The following FSIP2 variants were observed in gnomAD, a reference collection of about 807,000 sequenced individuals.
The protein encoded by FSIP2 is fibrous sheath-interacting protein 2.
Under a neutral mutation model 510.5 loss-of-function variants are expected in FSIP2, and 367 were observed. The ratio of observed to expected loss-of-function variants is 0.72; its 90% CI spans 0.66 to 0.78. The LOEUF (loss-of-function observed/expected upper bound fraction) is 0.78, where lower values mean the gene tolerates loss of function less well. Ranked by LOEUF, FSIP2 falls within the 30% of genes least tolerant of loss-of-function variation. The pLI is 0.00. For synonymous variants in FSIP2, 2,601 were observed against 2,732.2 expected (o/e 0.95, Z 1.50); for missense variants, 7,594 against 7,901.7 (o/e 0.96, Z 1.48).
intron 13 of FSIP2, chr2:185,764,768 G>T: frequency 2.1e-6 from 1 of 480,568 alleles, no homozygotes; most frequent in Non-Finnish European, 3.7e-6. Flanking sequence ...TAAAGGAAGT[G>T]GGTATGTGTA....
Position 185,793,033 on chromosome 2 carries a change from C to A in FSIP2, c.5897C>A (p.Ser1966Ter). The part of the protein sequence containing the change: ...QDHSTLSKAL[S>*]AKDSYSDEQF... ...CACAGTACATTGAGCAAAGCATTAT[C>A]AGCCAAAGATTCATATTCTGATGAG... The change falls in exon 16 of 23, where the codon TCA (serine) becomes TAA (stop). Residue 1966 changes from serine (S) to a stop codon, truncating the protein, a stop_gained. Transcript: ENST00000424728. LOFTEE classifies it high-confidence loss of function. 2.0e-6 allele frequency: 3 copies of A among 1,534,290 alleles called. No individual in the cohort carries two copies. Among genetic ancestry groups the A allele is most frequent in the Non-Finnish European group, 2.6e-6 (3 of 1,145,606 alleles).
At chr2:185,798,027 A>T (rs1559030844) in intron 16 of FSIP2, among the ~76,000 whole-genome samples, 1 of 151,906 alleles carries the variant, frequency 6.6e-6, no homozygotes, top group Admixed American at 6.6e-5. Context: ...GCAAAAAAAT[A>T]AAAATAAATA....
At chr2:185,812,782 GTTATTGCAGATATTCCT>G (rs1693759437) in intron 17 of FSIP2, among the ~76,000 whole-genome samples, 1 of 151,964 alleles carries the variant, frequency 6.6e-6, no homozygotes, top group African/African-American at 2.4e-5. Context: ...CTGATATTTT[GTTATTGCAGATATTCCT>G]TTGAGGCACC....
At chr2:185,745,693 G>C (rs1692015449) in intron 5 of FSIP2, 125 bp downstream of exon 5, 3 of 832,740 alleles carry the variant, frequency 3.6e-6, no homozygotes, top group Non-Finnish European at 5.1e-6. Flanking sequence ...TCAGAGTGTA[G>C]AGGAAGGAAG....
At position 185,790,379 on chromosome 2, in the gene FSIP2, A is replaced by C; in HGVS notation, c.3243A>C (p.Leu1081Phe). The change falls in exon 16 of 23, where the codon TTA becomes TTC. Residue 1081 changes from leucine (L) to phenylalanine (F), a missense_variant. Leu to Phe is a conservative substitution (Grantham distance 22). Transcript: ENST00000424728. ...EPPSTNHEDI[L>F]KKKLSSNKDI... Reference sequence around the variant, plus strand: ...CATCTACTAATCATGAAGATATTTTAAAGAAAAAACTTTCTTCGAATAAAG... The same window carrying C: ...CATCTACTAATCATGAAGATATTTTCAAGAAAAAACTTTCTTCGAATAAAG... 6.5e-7 allele frequency: 1 copy of C among 1,527,958 alleles called. No homozygotes were observed. The allele number at this position is 1,527,958 out of a possible 1,614,324, so 94.7% of individuals were successfully genotyped here. A position where few individuals can be genotyped will look rare whatever the true frequency, so the allele number is the denominator to read the frequency against.
At chr2:185,814,968 A>G (rs1408131485) in intron 18 of FSIP2, among the ~76,000 whole-genome samples, 1 of 152,062 alleles carries the variant, frequency 6.6e-6, no homozygotes, top group Non-Finnish European at 1.5e-5. Context: ...ATGAGTTTGC[A>G]ACAAATAGAT....
At chr2:185,740,786 C>T (rs1691907699) in intron 2 of FSIP2, among the ~76,000 whole-genome samples, 1 of 152,114 alleles carries the variant, frequency 6.6e-6, no homozygotes, top group East Asian at 1.9e-4. Context: ...TCTATAGGAA[C>T]ATTATCTCCC....
Position 185,801,002 on chromosome 2 carries a change from A to G in FSIP2, c.11696A>G (p.Lys3899Arg). 6.5e-7 allele frequency: 1 copy of G among 1,532,010 alleles called. No individual in the cohort carries two copies. Among genetic ancestry groups the G allele is most frequent in the Non-Finnish European group, 8.7e-7 (1 of 1,144,234 alleles). The allele number at this position is 1,532,010 out of a possible 1,614,324, so 94.9% of individuals were successfully genotyped here. Reference sequence around the variant, plus strand: ...GAATTAATAGAATTAGGACAGAGTAAAAGTTCTTTAGAACTCAGGAGCTAT... The same window carrying G: ...GAATTAATAGAATTAGGACAGAGTAGAAGTTCTTTAGAACTCAGGAGCTAT... ...KSELIELGQS[K>R]SSLELRSYDS... Residue 3899 changes from lysine (K) to arginine (R), a missense_variant, in exon 17 of 23, where the codon AAA becomes AGA. Physicochemically the swap from Lys to Arg is conservative, Grantham distance 26 (BLOSUM62 2). Coordinates refer to ENST00000424728, the MANE Select transcript of FSIP2 (RefSeq NM_173651.4).
intron 18 of FSIP2, 61 bp downstream of exon 18, chr2:185,814,103 C>T: frequency 2.7e-6 from 4 of 1,466,386 alleles, no homozygotes; most frequent in Non-Finnish European, 3.7e-6. Context: ...AAATCTGGCC[C>T]AAGAATGTAC....
chr2:185,738,066 G>C (rs1206083909), upstream of FSIP2: 1 of 157,792 alleles, frequency 6.3e-6, no homozygotes, highest in African/African-American at 2.4e-5. Context: ...AACAGCAGTG[G>C]ACCAAAGAAA....
At chr2:185,765,434 G>C (rs1434591051) in intron 13 of FSIP2, 3 of 151,962 alleles carry the variant, frequency 2.0e-5, no homozygotes, top group Non-Finnish European at 2.9e-5. Context: ...TCTCAGGTTT[G>C]TCAAAGATCA....
At chr2:185,740,915 C>G (rs1691910234) in intron 2 of FSIP2, among the ~76,000 whole-genome samples, 1 of 151,828 alleles carries the variant, frequency 6.6e-6, no homozygotes, top group Admixed American at 6.6e-5. Flanking sequence ...ATCTAACACA[C>G]TAAATAAACA....
intron 18 of FSIP2, 91 bp from the exon 19 acceptor site, chr2:185,815,280 A>C: frequency 1.5e-6 from 1 of 654,574 alleles, no homozygotes; most frequent in Non-Finnish European, 2.7e-6. Flanking sequence ...TTTTTCCATT[A>C]AAATGTAGAT....
In FSIP2 at chr2:185,793,090, A is replaced by C. The variant is rs1266290305; in HGVS notation, c.5954A>C (p.Lys1985Thr). ...TCCTGTTGCTCAGTAGATCATACCA[A>C]GTCAGGAAAGACCAACTTGTGCCAA... Reference protein sequence around the residue: ...QFSCCSVDHTKSGKTNLCQLS... With the variant: ...QFSCCSVDHTTSGKTNLCQLS... The change falls in exon 16 of 23, where the codon AAG (lysine) becomes ACG (threonine). Residue 1985 changes from lysine to threonine, a missense_variant. Coordinates refer to ENST00000424728, the MANE Select transcript of FSIP2 (RefSeq NM_173651.4). 6.8e-5 allele frequency: 105 copies of C among 1,534,320 alleles called. No homozygotes were observed. The highest frequency in any genetic ancestry group is 8.9e-5 in the Non-Finnish European group (102 of 1,145,728).
At chr2:185,768,525 C>G (rs1313491834) in intron 13 of FSIP2, among the ~76,000 whole-genome samples, 1 of 151,838 alleles carries the variant, frequency 6.6e-6, no homozygotes, top group Admixed American at 6.6e-5. Flanking sequence ...ATTATCTTTC[C>G]CTATTGTTTC....
rs1470344747 is a variant in FSIP2, at chr2:185,746,806, A to G, written c.755A>G (p.Glu252Gly). 2 of 1,509,344 alleles carry G rather than the reference A, an allele frequency of 1.3e-6. No individual in the cohort carries two copies. Among genetic ancestry groups the G allele is most frequent in the East Asian group, 4.9e-5 (2 of 40,810 alleles). 93.5% of individuals were successfully genotyped at this position (1,509,344 alleles called of 1,614,324 possible). A position where few individuals can be genotyped will look rare whatever the true frequency, so the allele number is the denominator to read the frequency against. Residue 252 changes from glutamate to glycine, a missense_variant, in exon 6 of 23, where the codon GAA becomes GGA. By Grantham distance (98) the Glu-to-Gly change is moderately conservative. Transcript: ENST00000424728. ...AAACTTACTCTTCGTAGAAAAATAG[A>G]AGAGGTGAGAGACAACAACTTTAAA... Reference protein sequence around the residue: ...RRKLTLRRKIEEEWKTKEMLL... With the variant: ...RRKLTLRRKIGEEWKTKEMLL...
chr2:185,792,209 T>C lies in FSIP2; in HGVS notation c.5073T>C (p.Ser1691=), dbSNP rs1197911370. Residue 1691 remains serine, a synonymous_variant, in exon 16 of 23, where the codon TCT becomes TCC. Coordinates refer to ENST00000424728, the MANE Select transcript of FSIP2 (RefSeq NM_173651.4). The stretch of plus-strand genomic sequence containing the variant: ...TCAAGTTAATTTTAGATGCAGTATC[T>C]TCCGATATGTTTAATGAAATGGAAT... The part of the protein sequence containing the change: ...YVVKLILDAV[S]SDMFNEMESE... The C allele has an allele frequency of 6.5e-7, 1 of 1,532,696 alleles. No individual in the cohort carries two copies. Among genetic ancestry groups the C allele is most frequent in the African/African-American group, 1.4e-5 (1 of 72,770 alleles). 94.9% of individuals were successfully genotyped at this position (1,532,696 alleles called of 1,614,324 possible).
intron 13 of FSIP2, among the ~76,000 whole-genome samples, chr2:185,767,908 TAGATCGATCATA>T (rs770788870): frequency 8.5e-5 from 13 of 152,318 alleles, no homozygotes; most frequent in Non-Finnish European, 1.9e-4. Flanking sequence ...GTTGAATTGC[TAGATCGATCATA>T]AGGTAATTGT....
At position 185,806,505 on chromosome 2, in the gene FSIP2, A is replaced by G. The variant is rs896126616; in HGVS notation, c.17199A>G (p.Lys5733=). The change falls in exon 17 of 23, where the codon AAA becomes AAG. Residue 5733 remains lysine, a synonymous_variant. Coordinates refer to ENST00000424728, the MANE Select transcript of FSIP2 (RefSeq NM_173651.4). ...CGGCACAGTCTGTTACAACAAAAAA[A>G]GTATCCTCCTCAACTAACAAAAATA... ...RDSAQSVTTK[K]VSSSTNKNIS... 1 of 1,602,098 alleles carries G rather than the reference A, an allele frequency of 6.2e-7. No individual in the cohort carries two copies. Among genetic ancestry groups the G allele is most frequent in the African/African-American group, 1.4e-5 (1 of 73,828 alleles).
Sources: allele counts gnomAD v4.1 joint callset (sites outside exome capture counted in the v4.1 genomes callset), GRCh38; gene constraint gnomAD v4.1.1; transcripts MANE v1.5; gene names NCBI Gene and HGNC (gene_info 2026-07-23, HGNC 2026-07-21).